STMND1: variants seen among roughly 807,000 people sequenced by gnomAD.
The protein encoded by STMND1 is stathmin domain containing 1, also known as stathmin domain-containing protein 1.
In STMND1, 17 loss-of-function variants were observed where a neutral mutation model predicts 23.0. The observed-to-expected ratio is 0.74, with a 90% CI of 0.51 to 1.11. The LOEUF (loss-of-function observed/expected upper bound fraction) is 1.11, where lower values mean the gene tolerates loss of function less well. STMND1 is among the 50% of genes least tolerant of loss of function. The pLI is 0.00. For missense variants in STMND1, 305 were observed against 329.1 expected (o/e 0.93, Z 0.57); for synonymous variants, 114 against 119.9 (o/e 0.95, Z 0.32).
rs1207912728 is a variant in STMND1 at position 17,129,186 on chromosome 6, G to C, written c.486G>C (p.Lys162Asn). 1 of 1,535,918 alleles carries C rather than the reference G, an allele frequency of 6.5e-7. No homozygotes were observed. Among genetic ancestry groups the C allele is most frequent in the Non-Finnish European group, 8.7e-7 (1 of 1,146,810 alleles). Residue 162 changes from lysine to asparagine, a missense_variant, in exon 4 of 5, where the codon AAG becomes AAC. Physicochemically the swap from Lys to Asn is moderately conservative, Grantham distance 94. Transcript: ENST00000536551. ...AACTCAAGATCAAAAAGCAAGTGAA[G>C]GATTTCACAATGAAGGACATCGAGG... ...LKKLKIKKQV[K>N]DFTMKDIEEK...
rs1554149183 is a variant in STMND1 at position 17,129,092 on chromosome 6, A to C, written c.412-20A>C. ...AGTGAATATGATTGTTTCTTCATGT[A>C]AAAAGATGTTTTATTCCAGTTGACT... is the stretch of plus-strand genomic sequence containing the variant. On this transcript the variant is annotated intron_variant, in intron 3 of 4. Coordinates refer to ENST00000536551, the MANE Select transcript of STMND1 (RefSeq NM_001190766.2). 2 of 1,533,166 alleles carry C rather than the reference A, an allele frequency of 1.3e-6. No homozygotes were observed. Among genetic ancestry groups the C allele is most frequent in the South Asian group, 2.4e-5 (2 of 83,816 alleles). The allele number at this position is 1,533,166 out of a possible 1,614,324, so 95.0% of individuals were successfully genotyped here.
chr6:17,115,666 T>C (rs1761150321), intron 2 of STMND1, among the ~76,000 whole-genome samples: 1 of 152,232 alleles, frequency 6.6e-6, no homozygotes, highest in Non-Finnish European at 1.5e-5. Context: ...TTTCCTATGG[T>C]GTGTTTTCCC....
intron 2 of STMND1, 38 bp from the exon 3 acceptor site, chr6:17,120,569 A>T: frequency 3.5e-6 from 5 of 1,437,966 alleles, no homozygotes; most frequent in Non-Finnish European, 4.6e-6. Flanking sequence ...TTCATTCTTA[A>T]ATTTTGCTTT....
chr6:17,117,328 C>G (rs540650661), intron 2 of STMND1, among the ~76,000 whole-genome samples: 2 of 152,156 alleles, frequency 1.3e-5, no homozygotes, highest in Non-Finnish European at 2.9e-5. Context: ...CTTGGCCTCT[C>G]AAAGTGCTGG....
chr6:17,129,771 G>A (rs1267677155), intron 4 of STMND1, among the ~76,000 whole-genome samples: 1 of 151,994 alleles, frequency 6.6e-6, no homozygotes, highest in Non-Finnish European at 1.5e-5. Flanking sequence ...GTGAACCCGG[G>A]AGGCAGAGCT....
At chr6:17,129,054 CT>C in intron 3 of STMND1, 57 bp from the exon 4 acceptor site, 1 of 1,498,926 alleles carries the variant, frequency 6.7e-7, no homozygotes, top group East Asian at 2.5e-5. Flanking sequence ...CTCTTTTGCC[CT>C]TCTCTTCTGC....
chr6:17,125,803 T>A (rs1022137098), intron 3 of STMND1, among the ~76,000 whole-genome samples: 9 of 151,960 alleles, frequency 5.9e-5, no homozygotes, highest in Non-Finnish European at 1.2e-4. Context: ...GGTCAATAGT[T>A]AATTAAGAAA....
In STMND1 at chr6:17,115,032, C is replaced by T; in HGVS notation, c.152C>T (p.Thr51Ile). 6.5e-7 allele frequency: 1 copy of T among 1,535,912 alleles called. No homozygotes were observed. Among genetic ancestry groups the T allele is most frequent in the Non-Finnish European group, 8.7e-7 (1 of 1,146,822 alleles). Residue 51 changes from threonine to isoleucine, a missense_variant, in exon 2 of 5, where the codon ACT becomes ATT. Physicochemically the swap from Thr to Ile is moderately conservative, Grantham distance 89 (BLOSUM62 -1). Transcript: ENST00000536551. ...ATGGAAGCTGCTCTGACCAAGAATA[C>T]TGTGGACATTGCAGAAGGCCTGGAA... The part of the protein sequence containing the change: ...PRMEAALTKN[T>I]VDIAEGLEQV...
chr6:17,120,833 T>G, intron 3 of STMND1, 75 bp downstream of exon 3: 8 of 1,204,436 alleles, frequency 6.6e-6, no homozygotes, highest in Non-Finnish European at 9.0e-6. Flanking sequence ...GAGTCATTAT[T>G]TCCAGCATAT....
chr6:17,121,687 T>A (rs1464583078), intron 3 of STMND1, among the ~76,000 whole-genome samples: 1 of 152,176 alleles, frequency 6.6e-6, no homozygotes, highest in Non-Finnish European at 1.5e-5. Flanking sequence ...GGCTATACAT[T>A]TATCCATATG....
At chr6:17,103,902 C>T (rs1760980197) in intron 1 of STMND1, among the ~76,000 whole-genome samples, 1 of 152,114 alleles carries the variant, frequency 6.6e-6, no homozygotes, top group Non-Finnish European at 1.5e-5. Flanking sequence ...GTATTTCTGC[C>T]TCTCCTGACA....
chr6:17,126,084 T>A (rs1366067128), intron 3 of STMND1, among the ~76,000 whole-genome samples: 5 of 114,010 alleles, frequency 4.4e-5, no homozygotes, highest in Admixed American at 8.7e-5. Context: ...TTTTTTTTTT[T>A]TTTTTTTTTT....
intron 4 of STMND1, among the ~76,000 whole-genome samples, chr6:17,129,660 C>A (rs371682332): frequency 1.7e-4 from 26 of 152,072 alleles, no homozygotes; most frequent in African/African-American, 5.5e-4. Flanking sequence ...CTGGCTAACA[C>A]GGTGAAACCC....
At chr6:17,117,844 C>CT (rs201561950) in intron 2 of STMND1, among the ~76,000 whole-genome samples, 108 of 136,824 alleles carry the variant, frequency 7.9e-4, no homozygotes, top group South Asian at 1.9e-3. Context: ...CCACACTTGG[C>CT]TTTTTTTTTT....
intron 3 of STMND1, 136 bp downstream of exon 3, chr6:17,120,894 T>C: frequency 2.6e-6 from 2 of 763,278 alleles, no homozygotes; most frequent in Non-Finnish European, 4.0e-6. Context: ...TTTTTCTCCC[T>C]TAAATTCCCC....
chr6:17,126,065 TA>T lies in STMND1; in HGVS notation c.412-3046del, dbSNP rs1472961501. On this transcript the variant is annotated intron_variant, in intron 3 of 4. Coordinates refer to ENST00000536551, the MANE Select transcript of STMND1 (RefSeq NM_001190766.2). ...ATATATATATATATATATATATATA[TA>T]TATATTTTTTTTTTTTTTTTTTTTT... 8.7e-3 allele frequency among the ~76,000 whole-genome samples: 239 copies of T among 27,618 alleles called. 1 individual carries two copies. Among genetic ancestry groups the T allele is most frequent in the East Asian group, 0.016 (10 of 624 alleles). The allele number at this position is 27,618 out of a possible 152,430, so 18.1% of individuals were successfully genotyped here. A position where few individuals can be genotyped will look rare whatever the true frequency, so the allele number is the denominator to read the frequency against.
At chr6:17,127,411 G>A (rs1317000876) in intron 3 of STMND1, among the ~76,000 whole-genome samples, 8 of 152,150 alleles carry the variant, frequency 5.3e-5, no homozygotes, top group Non-Finnish European at 8.8e-5. Context: ...TTAGCTGGGC[G>A]TGGTGGCACA....
intron 2 of STMND1, among the ~76,000 whole-genome samples, chr6:17,119,944 T>C (rs1761209607): frequency 6.6e-6 from 1 of 152,194 alleles, no homozygotes; most frequent in Non-Finnish European, 1.5e-5. Context: ...TATAATTGGA[T>C]GATTTGTAAT....
intron 4 of STMND1, 116 bp downstream of exon 4, chr6:17,129,359 AT>A (rs1363008380): frequency 1.5e-4 from 150 of 983,700 alleles, no homozygotes; most frequent in Non-Finnish European, 1.7e-4. Flanking sequence ...TATAATCAGT[AT>A]TTTTTTTATT....
Sources: gnomAD v4.1 joint callset for allele counts (sites outside exome capture counted in the v4.1 genomes callset) on GRCh38, gnomAD v4.1.1 for gene constraint, MANE v1.5 for transcripts, NCBI Gene and HGNC (gene_info 2026-07-23, HGNC 2026-07-21) for gene names.